Variants in COL26A1 observed in about 807,000 individuals in gnomAD.
COL26A1 encodes the protein collagen type XXVI alpha 1 chain, also known as collagen alpha-1(XXVI) chain.
COL26A1 carries 41 observed loss-of-function variants against 59.3 expected under a neutral mutation model. The ratio of observed to expected loss-of-function variants is 0.69; its 90% confidence interval spans 0.54 to 0.90. The LOEUF (loss-of-function observed/expected upper bound fraction) is 0.90, where lower values mean the gene tolerates loss of function less well. COL26A1 is among the 40% of genes least tolerant of loss of function. COL26A1 has a pLI of 0.00. For missense variants in COL26A1, 612 were observed against 602.3 expected, an observed-to-expected ratio of 1.02 and a Z score of -0.17; for synonymous variants, 266 against 256.0, an observed-to-expected ratio of 1.04 and a Z score of -0.37.
intron 3 of COL26A1, among the ~76,000 whole-genome samples, chr7:101,455,733 A>G (rs1793455299): frequency 6.6e-6 from 1 of 152,018 alleles, no homozygotes; most frequent in Non-Finnish European, 1.5e-5. Flanking sequence ...CCCAAGCTGT[A>G]GTGCAGTGGC....
intron 3 of COL26A1, among the ~76,000 whole-genome samples, chr7:101,523,891 A>T (rs1370938344): frequency 6.6e-6 from 1 of 152,140 alleles, no homozygotes; most frequent in Non-Finnish European, 1.5e-5. Context: ...CAAAAAAAAA[A>T]GTCTACTGGG....
At chr7:101,517,679 T>C (rs1438483853) in intron 3 of COL26A1, among the ~76,000 whole-genome samples, 2 of 152,044 alleles carry the variant, frequency 1.3e-5, no homozygotes, top group Non-Finnish European at 2.9e-5. Flanking sequence ...AGCCAAACCA[T>C]TTCACCATCT....
chr7:101,517,834 G>A (rs1422676226), intron 3 of COL26A1, among the ~76,000 whole-genome samples: 2 of 92,436 alleles, frequency 2.2e-5, no homozygotes, highest in African/African-American at 4.3e-5. Context: ...TTTTTTTTGA[G>A]ATGAGGTCTT....
At chr7:101,462,724 G>A (rs748341469) in intron 3 of COL26A1, among the ~76,000 whole-genome samples, 5 of 152,184 alleles carry the variant, frequency 3.3e-5, no homozygotes, top group East Asian at 3.9e-4. Context: ...TCCGGCCCCC[G>A]GTGACACGTG....
chr7:101,461,721 G>T (rs985713618), intron 3 of COL26A1, among the ~76,000 whole-genome samples: 2 of 152,150 alleles, frequency 1.3e-5, no homozygotes, highest in African/African-American at 4.8e-5. Flanking sequence ...GTTGGGGCTG[G>T]GGTCCCATCA....
chr7:101,387,758 A>G (rs1409527516), intron 1 of COL26A1, among the ~76,000 whole-genome samples: 1 of 47,660 alleles, frequency 2.1e-5, no homozygotes, highest in Non-Finnish European at 4.8e-5. Flanking sequence ...ATATATTTAT[A>G]TATATATATA....
chr7:101,452,970 G>A (rs964298545), intron 3 of COL26A1, among the ~76,000 whole-genome samples: 1 of 152,072 alleles, frequency 6.6e-6, no homozygotes, highest in African/African-American at 2.4e-5. Context: ...TCACCATGTT[G>A]GCCAAGCTGA....
intron 3 of COL26A1, among the ~76,000 whole-genome samples, chr7:101,471,036 A>G (rs1793886942): frequency 6.6e-6 from 1 of 152,172 alleles, no homozygotes; most frequent in South Asian, 2.1e-4. Flanking sequence ...AGCAATTTCA[A>G]CAAAGACCAA....
At chr7:101,406,345 A>G (rs1792128750) in intron 1 of COL26A1, among the ~76,000 whole-genome samples, 1 of 152,128 alleles carries the variant, frequency 6.6e-6, no homozygotes, top group Non-Finnish European at 1.5e-5. Flanking sequence ...ATGGTGTTAC[A>G]TACACTCGGC....
chr7:101,389,773 G>A (rs946769796), intron 1 of COL26A1, among the ~76,000 whole-genome samples: 3 of 151,902 alleles, frequency 2.0e-5, no homozygotes, highest in African/African-American at 7.3e-5. Context: ...GGCTGGTCTC[G>A]AACTCCCAAC....
chr7:101,550,045 C>T (rs1343040307), intron 9 of COL26A1, among the ~76,000 whole-genome samples: 3 of 152,132 alleles, frequency 2.0e-5, no homozygotes, highest in Admixed American at 6.5e-5. Flanking sequence ...TGTGTGGTGT[C>T]GGATGAGGCA....
chr7:101,489,663 TCCTTCCTTCCTTCC>T (rs1297005367), intron 3 of COL26A1, among the ~76,000 whole-genome samples: 19 of 51,742 alleles, frequency 3.7e-4, no homozygotes, highest in South Asian at 5.6e-4. Flanking sequence ...CTTTCTTTCT[TCCTTCCTTCCTTCC>T]TTCCTTTCTT....
At chr7:101,520,062 C>T (rs1468686255) in intron 3 of COL26A1, among the ~76,000 whole-genome samples, 3 of 152,178 alleles carry the variant, frequency 2.0e-5, no homozygotes, top group Non-Finnish European at 2.9e-5. Context: ...TTGCCTGGTC[C>T]AGATCTTTAC....
chr7:101,495,991 G>GGAT (rs1794577759), intron 3 of COL26A1, among the ~76,000 whole-genome samples: 1 of 152,066 alleles, frequency 6.6e-6, no homozygotes, highest in Admixed American at 6.6e-5. Context: ...TGAGGCAAGA[G>GGAT]GATCACTTGA....
At chr7:101,554,830 T>C (rs1795933238) in intron 11 of COL26A1, among the ~76,000 whole-genome samples, 1 of 152,068 alleles carries the variant, frequency 6.6e-6, no homozygotes, top group Non-Finnish European at 1.5e-5. Flanking sequence ...GGTCCCTTGG[T>C]CTCCCCTGCT....
In COL26A1 at chr7:101,468,772, ACTT is replaced by A. The variant is rs143160640; in HGVS notation, c.385+20991_385+20993del. ...GGGGAGACGCATTCACTTCCTTTCCACTTCTTCTCTGGCCATCTGTAGGGGTGC... is the reference window on the plus strand; with the variant it reads ...GGGGAGACGCATTCACTTCCTTTCCACTTCTCTGGCCATCTGTAGGGGTGC... On this transcript the variant is annotated intron_variant, in intron 3 of 12. Coordinates refer to ENST00000313669, the MANE Select transcript of COL26A1 (RefSeq NM_001278563.3). Among the ~76,000 whole-genome samples the A allele has an allele frequency of 8.4e-3, 1,279 of 152,080 alleles. 15 individuals carry two copies. The highest frequency in any genetic ancestry group is 0.029 in the African/African-American group (1,212 of 41,466).
chr7:101,481,115 T>TG (rs1794144768), intron 3 of COL26A1, among the ~76,000 whole-genome samples: 1 of 152,196 alleles, frequency 6.6e-6, no homozygotes, highest in Non-Finnish European at 1.5e-5. Flanking sequence ...AGATTTTCTT[T>TG]TTAAATTCAG....
At chr7:101,364,580 T>C (rs901318559) in intron 1 of COL26A1, among the ~76,000 whole-genome samples, 37 of 151,990 alleles carry the variant, frequency 2.4e-4, no homozygotes, top group African/African-American at 8.9e-4. Context: ...TTCTTTTTTT[T>C]TTTTTTTTAA....
At chr7:101,387,736 T>TTATATATATATATTTATATA (rs1791615136) in intron 1 of COL26A1, among the ~76,000 whole-genome samples, 1 of 106,938 alleles carries the variant, frequency 9.4e-6, no homozygotes, top group African/African-American at 3.8e-5. Flanking sequence ...TTTAATATAA[T>TTATATATATATATTTATATA]TATATATATA....
Sources: gnomAD v4.1 joint callset for allele counts (sites outside exome capture counted in the v4.1 genomes callset) on GRCh38, gnomAD v4.1.1 for gene constraint, MANE v1.5 for transcripts, NCBI Gene and HGNC (gene_info 2026-07-23, HGNC 2026-07-21) for gene names.